Variants in TTLL6 observed in about 807,000 individuals in gnomAD.
TTLL6 encodes tubulin tyrosine ligase like 6, also known as tubulin polyglutamylase TTLL6.
In TTLL6, 75 loss-of-function variants were observed where a neutral mutation model predicts 96.4. That is an observed-to-expected ratio of 0.78 (90% confidence interval 0.65 to 0.94). The LOEUF (loss-of-function observed/expected upper bound fraction) is 0.94. Among genes scored for constraint, TTLL6 ranks in the 40% least tolerant of loss-of-function variants. The probability of loss-of-function intolerance (pLI) is 0.00; values close to 1 mark genes in which losing one functional copy is unlikely to be tolerated. For missense variants in TTLL6, 1,030 were observed against 1,093.0 expected, an observed-to-expected ratio of 0.94 and a Z score of 0.81; for synonymous variants, 411 against 419.4, an observed-to-expected ratio of 0.98 and a Z score of 0.24.
intron 13 of TTLL6, among the ~76,000 whole-genome samples, chr17:48,780,109 A>ATTC: frequency 6.6e-6 from 1 of 152,134 alleles, no homozygotes; most frequent in East Asian, 1.9e-4. Flanking sequence ...AGGACATAGA[A>ATTC]TGAGATATAT....
At chr17:48,796,972 A>G in intron 7 of TTLL6, 89 bp downstream of exon 7, 1 of 1,381,858 alleles carries the variant, frequency 7.2e-7, no homozygotes, top group Non-Finnish European at 9.6e-7. Context: ...GACACTCACA[A>G]TGTCTTGAGG....
chr17:48,800,533 G>A (rs1321680603), intron 5 of TTLL6, among the ~76,000 whole-genome samples: 1 of 152,170 alleles, frequency 6.6e-6, no homozygotes, highest in African/African-American at 2.4e-5. Context: ...GCTAAGCCCT[G>A]AAACTTGTTC....
chr17:48,780,498 A>C (rs1037084458), intron 13 of TTLL6, among the ~76,000 whole-genome samples: 1 of 152,218 alleles, frequency 6.6e-6, no homozygotes, highest in Admixed American at 6.6e-5. Flanking sequence ...TTGTGGTTTA[A>C]ATAAATAAAT....
At chr17:48,794,252 G>A in intron 8 of TTLL6, 1 of 1,614,004 alleles carries the variant, frequency 6.2e-7, no homozygotes. Context: ...CGAGGGCCCA[G>A]GGCCTGCTGT....
intron 13 of TTLL6, among the ~76,000 whole-genome samples, chr17:48,784,143 G>C (rs1243899597): frequency 6.6e-6 from 1 of 152,144 alleles, no homozygotes; most frequent in Non-Finnish European, 1.5e-5. Flanking sequence ...ACAGGGGAAG[G>C]CCAGGCGTGG....
At chr17:48,796,794 T>A (rs2039323821) in intron 7 of TTLL6, among the ~76,000 whole-genome samples, 1 of 152,072 alleles carries the variant, frequency 6.6e-6, no homozygotes, top group African/African-American at 2.4e-5. Flanking sequence ...CAGGCAGACC[T>A]GGCCACAAGC....
intron 13 of TTLL6, among the ~76,000 whole-genome samples, chr17:48,782,105 C>CTTTT (rs34486928): frequency 8.2e-6 from 1 of 122,600 alleles, no homozygotes; most frequent in African/African-American, 3.0e-5. Context: ...TTTTTCTTTT[C>CTTTT]TTTTTTTTTT....
chr17:48,780,386 G>C (rs567824977), intron 13 of TTLL6, among the ~76,000 whole-genome samples: 2 of 152,246 alleles, frequency 1.3e-5, no homozygotes. Context: ...GAAAACTGAG[G>C]TTTAGGGAAT....
At chr17:48,803,807 C>T in intron 3 of TTLL6, 84 bp downstream of exon 3, 1 of 1,407,970 alleles carries the variant, frequency 7.1e-7, no homozygotes, top group Non-Finnish European at 9.8e-7. Flanking sequence ...TTCATCCTCA[C>T]AAATATACAA....
chr17:48,764,791 C>A (rs1161689574), intron 15 of TTLL6, among the ~76,000 whole-genome samples: 3 of 152,062 alleles, frequency 2.0e-5, no homozygotes, highest in Non-Finnish European at 2.9e-5. Flanking sequence ...TTGGAGAGAA[C>A]TTTTAGAAGA....
At chr17:48,786,375 A>T (rs2039096010) in intron 11 of TTLL6, 40 bp from the exon 12 acceptor site, 1 of 1,613,072 alleles carries the variant, frequency 6.2e-7, no homozygotes, top group Admixed American at 1.7e-5. Flanking sequence ...GGGGTTAGAA[A>T]TGCGCTGCGC....
intron 13 of TTLL6, among the ~76,000 whole-genome samples, chr17:48,770,388 T>C (rs1241971417): frequency 6.6e-6 from 1 of 151,944 alleles, no homozygotes; most frequent in Non-Finnish European, 1.5e-5. Flanking sequence ...CATGAATTGG[T>C]TAAACAGTAA....
chr17:48,795,671 A>G (rs902107414), intron 8 of TTLL6, among the ~76,000 whole-genome samples: 1 of 152,202 alleles, frequency 6.6e-6, no homozygotes, highest in Non-Finnish European at 1.5e-5. Flanking sequence ...CCAGGGGAAC[A>G]TGGGCCAAGC....
intron 1 of TTLL6, among the ~76,000 whole-genome samples, chr17:48,811,728 TGCTCTG>T (rs2039594984): frequency 6.7e-6 from 1 of 148,550 alleles, no homozygotes; most frequent in Non-Finnish European, 1.5e-5. Context: ...GACAGAGTCT[TGCTCTG>T]TCACCCAGGC....
rs975495890 is a variant in TTLL6 at position 48,816,984 on chromosome 17, C to G, written c.89G>C (p.Gly30Ala). The G allele has an allele frequency of 6.5e-7, 1 of 1,537,864 alleles. No homozygotes were observed. The highest frequency in any genetic ancestry group is 8.7e-7 in the Non-Finnish European group (1 of 1,143,650). The change falls in exon 1 of 16, where the codon GGA becomes GCA. Residue 30 changes from glycine to alanine, a missense_variant. Coordinates refer to ENST00000393382, the MANE Select transcript of TTLL6 (RefSeq NM_001130918.3). The stretch of plus-strand genomic sequence containing the variant: ...GGCGCTCTTACCCGCAATTCCTACT[C>G]CCCCGTCTCGCCCCGCTGGGCTGCT... ...WTSSPAGRDG[G>A]VGIAGAWYFP...
intron 8 of TTLL6, among the ~76,000 whole-genome samples, chr17:48,795,199 G>A (rs1308404253): frequency 6.6e-6 from 1 of 152,044 alleles, no homozygotes; most frequent in African/African-American, 2.4e-5. Context: ...GGTGGCACAT[G>A]CCTATAGTCT....
chr17:48,794,512 G>A (rs559148204), intron 8 of TTLL6, among the ~76,000 whole-genome samples: 2 of 152,214 alleles, frequency 1.3e-5, no homozygotes, highest in South Asian at 2.1e-4. Context: ...TGTCGGAGCC[G>A]GGACTACAAA....
Position 48,801,757 on chromosome 17 carries a change from C to T in TTLL6, c.362-114G>A, listed in dbSNP as rs555246239. The T allele has an allele frequency of 5.5e-5, 43 of 776,452 alleles. 1 individual carries two copies. The South Asian group carries it at 6.5e-4, about 12-fold the overall frequency. 48.1% of individuals were successfully genotyped at this position (776,452 alleles called of 1,614,324 possible). On this transcript the variant is annotated intron_variant, in intron 3 of 15. Coordinates refer to ENST00000393382, the MANE Select transcript of TTLL6 (RefSeq NM_001130918.3). ...GTACTGAAGCAAAAAATCTCGGCTCCTCGAGACTGGAAGCCATCTTGCCCT... is the reference window on the plus strand; with the variant it reads ...GTACTGAAGCAAAAAATCTCGGCTCTTCGAGACTGGAAGCCATCTTGCCCT...
At chr17:48,813,908 C>A (rs1410413871) in intron 1 of TTLL6, among the ~76,000 whole-genome samples, 1 of 152,124 alleles carries the variant, frequency 6.6e-6, no homozygotes, top group South Asian at 2.1e-4. Flanking sequence ...TTGTACCCAG[C>A]CAGAGAGCAA....
Sources: gnomAD v4.1 joint callset for allele counts (sites outside exome capture counted in the v4.1 genomes callset) on GRCh38, gnomAD v4.1.1 for gene constraint, MANE v1.5 for transcripts, NCBI Gene and HGNC (gene_info 2026-07-23, HGNC 2026-07-21) for gene names.